The following ZER1 variants were observed in gnomAD, a reference collection of about 807,000 sequenced individuals.
ZER1 encodes the protein protein zer-1 homolog.
ZER1 carries 11 observed loss-of-function variants against 78.8 expected under a neutral mutation model. That is an observed-to-expected ratio of 0.14 (90% confidence interval 0.09 to 0.23). The LOEUF is 0.23. Ranked by LOEUF, ZER1 falls within the 10% of genes least tolerant of loss-of-function variation. ZER1 has a pLI of 1.00. For missense variants in ZER1, 588 were observed against 996.9 expected (o/e 0.59, Z 5.52); for synonymous variants, 400 against 407.0 (o/e 0.98, Z 0.21).
Position 128,753,065 on chromosome 9 carries a change from AAG to A in ZER1, c.746+97_746+98del. The A allele has an allele frequency of 7.7e-7, 1 of 1,306,324 alleles. No individual in the cohort carries two copies. Among genetic ancestry groups the A allele is most frequent in the Non-Finnish European group, 1.0e-6 (1 of 976,182 alleles). 80.9% of individuals were successfully genotyped at this position (1,306,324 alleles called of 1,614,324 possible). A position where few individuals can be genotyped will look rare whatever the true frequency, so the allele number is the denominator to read the frequency against. On this transcript the variant is annotated intron_variant, in intron 4 of 15. Transcript: ENST00000291900. This position sits in a 1 kb window ranked among gnomAD's most constrained non-coding sequence, Gnocchi z 7.5. ...CTTCATCCCCACCCTCTGCCTAGCC[AAG>A]CGCTCCTGAACCCTGAGGGCGTGAC... is the stretch of plus-strand genomic sequence containing the variant.
At position 128,755,672 on chromosome 9, in the gene ZER1, C is replaced by T; in HGVS notation, c.-94-13G>A. On this transcript the variant is annotated splice_polypyrimidine_tract_variant and intron_variant, in intron 1 of 15. Coordinates refer to ENST00000291900, the MANE Select transcript of ZER1 (RefSeq NM_006336.4). This position sits in a 1 kb window ranked among gnomAD's most constrained non-coding sequence, Gnocchi z 5.6. ...GCAGAGCCACTGCCTGGGGAGTGGA[C>T]AAGATGCCAAGTGAGCCACACACAA... The T allele has an allele frequency of 3.5e-6, 5 of 1,408,478 alleles. No homozygotes were observed. Among genetic ancestry groups the T allele is most frequent in the Non-Finnish European group, 2.9e-6 (3 of 1,036,578 alleles). 87.2% of individuals were successfully genotyped at this position (1,408,478 alleles called of 1,614,324 possible). A position where few individuals can be genotyped will look rare whatever the true frequency, so the allele number is the denominator to read the frequency against.
At chr9:128,758,790 G>A (rs1863945452) in intron 1 of ZER1, among the ~76,000 whole-genome samples, 1 of 152,020 alleles carries the variant, frequency 6.6e-6, no homozygotes. Context: ...GATCTACACT[G>A]TGTCACTCCA....
At chr9:128,734,144 A>AAATATAT in intron 14 of ZER1, among the ~76,000 whole-genome samples, 1 of 14,446 alleles carries the variant, frequency 6.9e-5, no homozygotes, top group South Asian at 4.2e-3. Context: ...AAAAAAAAAA[A>AAATATAT]ATATATATAT....
chr9:128,752,918 C>T, intron 4 of ZER1, 69 bp from the exon 5 acceptor site: 1 of 1,533,580 alleles, frequency 6.5e-7, no homozygotes, highest in East Asian at 2.3e-5. Context: ...CAGATCCCAG[C>T]TCCTTTAGTC....
At chr9:128,770,552 T>C (rs1864351332) in intron 1 of ZER1, among the ~76,000 whole-genome samples, 1 of 152,192 alleles carries the variant, frequency 6.6e-6, no homozygotes, top group East Asian at 1.9e-4. Flanking sequence ...ACTAGAGACC[T>C]TCCCTGAACA....
Position 128,754,272 on chromosome 9 carries a change from C to A in ZER1, c.159-313G>T, listed in dbSNP as rs140454967. Among the ~76,000 whole-genome samples, 1 of 152,224 alleles carries A rather than the reference C, an allele frequency of 6.6e-6. No homozygotes were observed. The highest frequency in any genetic ancestry group is 1.5e-5 in the Non-Finnish European group (1 of 68,044). On this transcript the variant is annotated intron_variant, in intron 2 of 15. Transcript: ENST00000291900. The surrounding 1 kb of genome is among the most constrained non-coding windows in gnomAD (Gnocchi z 4.3). Reference sequence around the variant, plus strand: ...CAGCAGCCCCACTGGCATGGCCACTCTCGTCACCTTCTTTAAGCCCCTCCT... The same window carrying A: ...CAGCAGCCCCACTGGCATGGCCACTATCGTCACCTTCTTTAAGCCCCTCCT...
rs1286231914 is a variant in ZER1 at position 128,751,190 on chromosome 9, G to A, written c.1117C>T (p.Arg373Trp). ...ATGTCAAAAAGCAAGTTGATGGCCC[G>A]CGAGGTGATCTCAGGCCGGTGCTCC... The part of the protein sequence containing the change: ...YTEHRPEITS[R>W]AINLLFDIAR... Residue 373 changes from arginine (R) to tryptophan (W), a missense_variant, in exon 7 of 16, where the codon CGG (arginine) becomes TGG (tryptophan). Coordinates refer to ENST00000291900, the MANE Select transcript of ZER1 (RefSeq NM_006336.4). The surrounding 1 kb of genome is among the most constrained non-coding windows in gnomAD (Gnocchi z 5.4). 1 of 1,608,918 alleles carries A rather than the reference G, an allele frequency of 6.2e-7. No individual in the cohort carries two copies. The highest frequency in any genetic ancestry group is 8.5e-7 in the Non-Finnish European group (1 of 1,176,018).
rs1023803179 is a variant in ZER1, at chr9:128,740,451, G to C, written c.1853+321C>G. On this transcript the variant is annotated intron_variant, in intron 12 of 15. Coordinates refer to ENST00000291900, the MANE Select transcript of ZER1 (RefSeq NM_006336.4). This position sits in a 1 kb window ranked among gnomAD's most constrained non-coding sequence, Gnocchi z 4.4. ...AAAAATTAGCTGGGCGTGGTGGCAG[G>C]CGCCTGTAGTCTCAGCTACTCGGGA... 6.6e-6 allele frequency among the ~76,000 whole-genome samples: 1 copy of C among 151,940 alleles called. No individual in the cohort carries two copies. Among genetic ancestry groups the C allele is most frequent in the Non-Finnish European group, 1.5e-5 (1 of 67,990 alleles).
intron 14 of ZER1, 21 bp downstream of exon 14, chr9:128,735,313 C>A: frequency 1.2e-6 from 2 of 1,605,262 alleles, no homozygotes; most frequent in South Asian, 1.1e-5. Context: ...GTGTCTGAAC[C>A]CAGGACAAGT....
Position 128,741,547 on chromosome 9 carries a change from C to T in ZER1, c.1725G>A (p.Leu575=). 6.2e-7 allele frequency: 1 copy of T among 1,614,132 alleles called. No individual in the cohort carries two copies. Residue 575 remains leucine, a synonymous_variant, in exon 11 of 16, where the codon CTG becomes CTA. Coordinates refer to ENST00000291900, the MANE Select transcript of ZER1 (RefSeq NM_006336.4). ...FLNFNGMKLF[L]DCLKEFPEKQ... ...AGGTGGACACTACCTTCAGGCAGTC[C>T]AGGAAGAGCTTCATGCCGTTGAAAT...
chr9:128,744,953 A>T (rs78931765), intron 8 of ZER1, among the ~76,000 whole-genome samples: 3,179 of 152,216 alleles, frequency 0.021, 120 homozygotes, highest in African/African-American at 0.073. Context: ...GGCTACTGTG[A>T]GCCATGTATT....
upstream of ZER1, among the ~76,000 whole-genome samples, chr9:128,772,099 A>AG (rs1864407603): frequency 6.6e-6 from 1 of 151,814 alleles, no homozygotes; most frequent in Admixed American, 6.5e-5. Context: ...TGCCCCCCCC[A>AG]GGCCACCCGA....
At chr9:128,758,268 C>T (rs777088042) in intron 1 of ZER1, among the ~76,000 whole-genome samples, 12 of 151,514 alleles carry the variant, frequency 7.9e-5, no homozygotes, top group East Asian at 3.9e-4. Flanking sequence ...TACAAGCGTG[C>T]GCCATCACGC....
chr9:128,771,976 C>G (rs1864402514), upstream of ZER1: 1 of 152,264 alleles, frequency 6.6e-6, no homozygotes, highest in African/African-American at 2.4e-5. Flanking sequence ...GATCGGGTTC[C>G]CCCGACCCGT....
At chr9:128,749,281 T>C (rs1194200070) in intron 8 of ZER1, among the ~76,000 whole-genome samples, 1 of 150,966 alleles carries the variant, frequency 6.6e-6, no homozygotes, top group South Asian at 2.1e-4. Flanking sequence ...TGAGCCAAGA[T>C]TGTGCACTGC....
chr9:128,742,482 G>T, intron 9 of ZER1, 48 bp downstream of exon 9: 1 of 1,603,586 alleles, frequency 6.2e-7, no homozygotes, highest in Non-Finnish European at 8.5e-7. Flanking sequence ...AGGGGTGGGG[G>T]AGAGCAGTGA....
At position 128,753,072 on chromosome 9, in the gene ZER1, C is replaced by CCTGAACCCTGAGGGCG. The variant is rs1863733856; in HGVS notation, c.746+76_746+91dup. The CCTGAACCCTGAGGGCG allele has an allele frequency of 5.9e-6, 8 of 1,353,988 alleles. No individual in the cohort carries two copies. The highest frequency in any genetic ancestry group is 7.9e-6 in the Non-Finnish European group (8 of 1,015,972). The allele number at this position is 1,353,988 out of a possible 1,614,324, so 83.9% of individuals were successfully genotyped here. A position where few individuals can be genotyped will look rare whatever the true frequency, so the allele number is the denominator to read the frequency against. On this transcript the variant is annotated intron_variant, in intron 4 of 15. Transcript: ENST00000291900. The surrounding 1 kb of genome is among the most constrained non-coding windows in gnomAD (Gnocchi z 7.5). ...CCCACCCTCTGCCTAGCCAAGCGCT[C>CCTGAACCCTGAGGGCG]CTGAACCCTGAGGGCGTGACAACAC...
chr9:128,767,641 C>T (rs570889067), intron 1 of ZER1, among the ~76,000 whole-genome samples: 8 of 152,258 alleles, frequency 5.3e-5, no homozygotes, highest in South Asian at 2.1e-4. Flanking sequence ...GTTGTTCCTC[C>T]GGTAAGTGTG....
At chr9:128,759,363 G>C (rs1863969031) in intron 1 of ZER1, among the ~76,000 whole-genome samples, 2 of 148,568 alleles carry the variant, frequency 1.3e-5, no homozygotes, top group South Asian at 4.3e-4. Context: ...TTTTGGTAGA[G>C]ATGGGGTTTC....
Sources: gnomAD v4.1 joint callset for allele counts (sites outside exome capture counted in the v4.1 genomes callset) on GRCh38, gnomAD v4.1.1 for gene constraint, Gnocchi (gnomAD v3.1) non-coding constraint, MANE v1.5 for transcripts, NCBI Gene and HGNC (gene_info 2026-07-23, HGNC 2026-07-21) for gene names.